Variants in COL24A1 observed in about 807,000 individuals in gnomAD.
The protein encoded by COL24A1 is collagen type XXIV alpha 1 chain, also known as collagen alpha-1(XXIV) chain.
A neutral mutation model predicts 253.9 loss-of-function variants in COL24A1; 224 were observed. The ratio of observed to expected loss-of-function variants is 0.88; its 90% CI spans 0.79 to 0.99. COL24A1 has a LOEUF of 0.99. Ranked by LOEUF, COL24A1 falls within the 50% of genes least tolerant of loss-of-function variation. The probability of loss-of-function intolerance (pLI) is 0.00; values close to 1 mark genes in which losing one functional copy is unlikely to be tolerated. For missense variants in COL24A1, 2,131 were observed against 2,068.5 expected (o/e 1.03, Z -0.59); for synonymous variants, 685 against 673.7 (o/e 1.02, Z -0.26).
At chr1:85,891,488 A>T (rs965119978) in intron 31 of COL24A1, among the ~76,000 whole-genome samples, 1 of 152,242 alleles carries the variant, frequency 6.6e-6, no homozygotes, top group East Asian at 1.9e-4. Flanking sequence ...AAGTAAAGAT[A>T]TTCAAAGTTC....
intron 24 of COL24A1, among the ~76,000 whole-genome samples, chr1:85,951,652 C>G (rs1384685155): frequency 6.6e-6 from 1 of 152,138 alleles, no homozygotes; most frequent in Non-Finnish European, 1.5e-5. Context: ...TCTACAGACT[C>G]ATTTTCCCCC....
intron 45 of COL24A1, among the ~76,000 whole-genome samples, chr1:85,819,917 G>A (rs776411756): frequency 1.6e-4 from 24 of 148,818 alleles, no homozygotes; most frequent in Non-Finnish European, 2.7e-4. Context: ...TCATGATCTC[G>A]GCTCATGGCA....
rs759111563 is a variant in COL24A1 at position 86,031,882 on chromosome 1, A to C, written c.2045T>G (p.Leu682Arg). 1.5e-5 allele frequency: 24 copies of C among 1,607,478 alleles called. No homozygotes were observed. The highest frequency in any genetic ancestry group is 8.0e-5 in the African/African-American group (6 of 74,646). Reference protein sequence around the residue: ...GGTGPPGFPGLRGSVGPVGPI... With the variant: ...GGTGPPGFPGRRGSVGPVGPI... ...ATGATATTTAGTGATACTCACTCTA[A>C]GCCCAGGAAACCCCGGAGGACCAGT... Residue 682 changes from leucine (L) to arginine (R), a missense_variant, in exon 14 of 60, where the codon CTT becomes CGT. By Grantham distance (102) the Leu-to-Arg change is moderately radical (BLOSUM62 -2). Coordinates refer to ENST00000370571, the MANE Select transcript of COL24A1 (RefSeq NM_152890.7).
At chr1:86,029,562 C>G in intron 14 of COL24A1, among the ~76,000 whole-genome samples, 1 of 151,966 alleles carries the variant, frequency 6.6e-6, no homozygotes, top group Admixed American at 6.6e-5. Context: ...TTAAATTTTA[C>G]CACAGTTCCA....
intron 47 of COL24A1, among the ~76,000 whole-genome samples, chr1:85,813,948 G>A (rs1251272617): frequency 6.6e-6 from 1 of 152,256 alleles, no homozygotes; most frequent in East Asian, 1.9e-4. Context: ...GAGTCCAATG[G>A]TGGCCATGTT....
chr1:85,843,822 G>A (rs907321159), intron 39 of COL24A1, among the ~76,000 whole-genome samples: 1 of 152,054 alleles, frequency 6.6e-6, no homozygotes, highest in South Asian at 2.1e-4. Flanking sequence ...AATGCTAAAG[G>A]CTGCTGCTGA....
chr1:85,817,884 C>G, intron 46 of COL24A1, 150 bp downstream of exon 46: 1 of 653,884 alleles, frequency 1.5e-6, no homozygotes, highest in Non-Finnish European at 2.7e-6. Context: ...ATATTTTGTT[C>G]CCTCTGTGTT....
intron 19 of COL24A1, among the ~76,000 whole-genome samples, chr1:85,994,224 A>G (rs1200551039): frequency 6.6e-6 from 1 of 152,114 alleles, no homozygotes; most frequent in African/African-American, 2.4e-5. Flanking sequence ...AATAAAGGCA[A>G]CATGTAAATT....
At position 86,022,545 on chromosome 1, in the gene COL24A1, C is replaced by T; in HGVS notation, c.2195G>A (p.Gly732Glu). ...TAATGGTATAAACATTACCTTGTCT[C>T]CAGGATACCCGGGTTCTCCTAGCTC... Reference protein sequence around the residue: ...AGELGEPGYPGDKGAVGLPGP... With the variant: ...AGELGEPGYPEDKGAVGLPGP... The change falls in exon 17 of 60, where the codon GGA becomes GAA. Residue 732 changes from glycine (G) to glutamate (E), a missense_variant. By Grantham distance (98) the Gly-to-Glu change is moderately conservative (BLOSUM62 -2). Coordinates refer to ENST00000370571, the MANE Select transcript of COL24A1 (RefSeq NM_152890.7). 1 of 1,611,780 alleles carries T rather than the reference C, an allele frequency of 6.2e-7. No homozygotes were observed. The highest frequency in any genetic ancestry group is 8.5e-7 in the Non-Finnish European group (1 of 1,179,032).
intron 56 of COL24A1, 136 bp downstream of exon 56, chr1:85,745,305 G>C (rs1357256522): frequency 2.0e-6 from 1 of 503,906 alleles, no homozygotes; most frequent in Non-Finnish European, 3.4e-6. Context: ...CTTTGTTCTT[G>C]AGAATGGTTT....
chr1:86,070,045 T>G (rs2101832377), intron 7 of COL24A1, among the ~76,000 whole-genome samples: 1 of 152,260 alleles, frequency 6.6e-6, no homozygotes, highest in African/African-American at 2.4e-5. Flanking sequence ...GAATTCAAAA[T>G]AGCTGTTTTG....
intron 5 of COL24A1, among the ~76,000 whole-genome samples, chr1:86,100,313 T>G (rs190783684): frequency 6.6e-6 from 1 of 152,322 alleles, no homozygotes; most frequent in East Asian, 1.9e-4. Context: ...ATTCTTTATT[T>G]AGTAGCTCTT....
chr1:85,771,987 C>A (rs1389455761), intron 53 of COL24A1, among the ~76,000 whole-genome samples: 2 of 132,684 alleles, frequency 1.5e-5, no homozygotes, highest in African/African-American at 2.8e-5. Context: ...GTGTGATATT[C>A]CCCTTCCTGT....
chr1:85,921,488 T>C (rs1289152700), intron 24 of COL24A1, among the ~76,000 whole-genome samples: 1 of 152,084 alleles, frequency 6.6e-6, no homozygotes, highest in Non-Finnish European at 1.5e-5. Context: ...CAGGCAAAAA[T>C]ATTTGCTGTT....
chr1:85,777,925 C>T (rs768291944), intron 52 of COL24A1, among the ~76,000 whole-genome samples: 13 of 151,430 alleles, frequency 8.6e-5, no homozygotes, highest in African/African-American at 2.7e-4. Context: ...TTTTTTTCTC[C>T]GCTGGCTACT....
intron 37 of COL24A1, among the ~76,000 whole-genome samples, chr1:85,859,297 C>G (rs2102421479): frequency 6.6e-6 from 1 of 152,166 alleles, no homozygotes; most frequent in East Asian, 1.9e-4. Flanking sequence ...TAGGTATTCA[C>G]TTGTAAGAAA....
chr1:86,119,498 T>C (rs1706500627), intron 3 of COL24A1, among the ~76,000 whole-genome samples: 1 of 151,988 alleles, frequency 6.6e-6, no homozygotes, highest in African/African-American at 2.4e-5. Context: ...TCCTCTCTGG[T>C]GAGAGGGGAC....
At chr1:85,817,801 A>G (rs1482622945) in intron 46 of COL24A1, among the ~76,000 whole-genome samples, 1 of 152,142 alleles carries the variant, frequency 6.6e-6, no homozygotes, top group Non-Finnish European at 1.5e-5. Context: ...AGGGCTTCAT[A>G]ACCAGGAAAA....
chr1:85,812,008 C>T (rs146195754), intron 47 of COL24A1, among the ~76,000 whole-genome samples: 2 of 152,306 alleles, frequency 1.3e-5, no homozygotes, highest in East Asian at 1.9e-4. Flanking sequence ...GCCATGCCCT[C>T]TCTGTCAAAT....
Sources: allele counts gnomAD v4.1 joint callset (sites outside exome capture counted in the v4.1 genomes callset), GRCh38; gene constraint gnomAD v4.1.1; transcripts MANE v1.5; gene names NCBI Gene and HGNC (gene_info 2026-07-23, HGNC 2026-07-21).